Variants in ADCY1 observed in about 807,000 individuals in gnomAD.
ADCY1 encodes the protein adenylate cyclase type 1.
In ADCY1, 28 loss-of-function variants were observed where a neutral mutation model predicts 105.4. The ratio of observed to expected loss-of-function variants is 0.27; its 90% CI spans 0.20 to 0.36. The LOEUF (loss-of-function observed/expected upper bound fraction) is 0.36. Among genes scored for constraint, ADCY1 ranks in the 10% least tolerant of loss-of-function variants. The pLI, the probability that ADCY1 is intolerant of heterozygous loss-of-function variation, is 1.00. For missense variants in ADCY1, 977 were observed against 1,434.2 expected (o/e 0.68, Z 5.15); for synonymous variants, 655 against 623.8 (o/e 1.05, Z -0.75).
intron 5 of ADCY1, among the ~76,000 whole-genome samples, chr7:45,653,786 C>T (rs1466541707): frequency 6.6e-6 from 1 of 152,172 alleles, no homozygotes; most frequent in African/African-American, 2.4e-5. Flanking sequence ...TGCTGCTCTC[C>T]CAGAGTTGCC....
chr7:45,704,723 G>A, intron 17 of ADCY1, 107 bp downstream of exon 17: 1 of 860,862 alleles, frequency 1.2e-6, no homozygotes, highest in Non-Finnish European at 1.9e-6. Context: ...TGCCCTCTGT[G>A]TTGGATTACA....
intron 4 of ADCY1, among the ~76,000 whole-genome samples, chr7:45,641,850 C>T (rs1209685155): frequency 1.5e-5 from 2 of 130,874 alleles, no homozygotes; most frequent in Non-Finnish European, 3.2e-5. Flanking sequence ...GGCGTGAACC[C>T]GGGAAGCGGA....
chr7:45,664,008 A>T (rs1157954193), intron 8 of ADCY1, among the ~76,000 whole-genome samples: 2 of 152,042 alleles, frequency 1.3e-5, no homozygotes, highest in Admixed American at 1.3e-4. Flanking sequence ...GAAAATTTCT[A>T]AGAGGAAACA....
At chr7:45,667,756 C>A (rs1251772369) in intron 8 of ADCY1, among the ~76,000 whole-genome samples, 1 of 152,222 alleles carries the variant, frequency 6.6e-6, no homozygotes, top group Non-Finnish European at 1.5e-5. Context: ...TTCTTCCTAT[C>A]CGTGAGCATG....
chr7:45,685,197 G>T, intron 12 of ADCY1, 129 bp downstream of exon 12: 1 of 789,502 alleles, frequency 1.3e-6, no homozygotes, highest in Non-Finnish European at 2.2e-6. Context: ...CAGGCATGGG[G>T]CCCCAAGGAG....
chr7:45,652,871 C>G (rs1195013676), intron 5 of ADCY1, among the ~76,000 whole-genome samples: 1 of 152,162 alleles, frequency 6.6e-6, no homozygotes, highest in East Asian at 1.9e-4. Flanking sequence ...CTCTGGGAGC[C>G]ACAGCATCCA....
In ADCY1 at chr7:45,703,476, C is replaced by T; in HGVS notation, c.2555C>T (p.Ser852Phe). The change falls in exon 15 of 20, where the codon TCC (serine) becomes TTC (phenylalanine). Residue 852 changes from serine to phenylalanine, a missense_variant. Transcript: ENST00000297323. The surrounding 1 kb of genome is among the most constrained non-coding windows in gnomAD (Gnocchi z 5.9). The stretch of plus-strand genomic sequence containing the variant: ...CACGTCGCCCAGCACTTCCTCATGT[C>T]CAACCCTCGGAACATGGTGAGCACC... ...PAHVAQHFLM[S>F]NPRNMDLYYQ... The T allele has an allele frequency of 6.2e-7, 1 of 1,614,130 alleles. No homozygotes were observed. Among genetic ancestry groups the T allele is most frequent in the Non-Finnish European group, 8.5e-7 (1 of 1,180,014 alleles).
rs900098429 is a variant in ADCY1, at chr7:45,583,946, T to G, written c.639+8764T>G. ...TGAGCCACTGTGCCCTGTTTTTTTT[T>G]TTTTTTTTTTTTTTTTTTTCAGACA... On this transcript the variant is annotated intron_variant, in intron 1 of 19. Coordinates refer to ENST00000297323, the MANE Select transcript of ADCY1 (RefSeq NM_021116.4). 1.8e-4 allele frequency among the ~76,000 whole-genome samples: 26 copies of G among 143,526 alleles called. 1 individual carries two copies. The highest frequency in any genetic ancestry group is 3.0e-5 in the Non-Finnish European group (2 of 65,808). 94.2% of individuals were successfully genotyped at this position (143,526 alleles called of 152,430 possible). A position where few individuals can be genotyped will look rare whatever the true frequency, so the allele number is the denominator to read the frequency against.
intron 3 of ADCY1, among the ~76,000 whole-genome samples, chr7:45,618,211 CA>C (rs1267889839): frequency 6.6e-6 from 1 of 152,116 alleles, no homozygotes; most frequent in African/African-American, 2.4e-5. Flanking sequence ...TATCTCTTAC[CA>C]TACACAAAAA....
At chr7:45,614,908 T>C (rs1482142276) in intron 3 of ADCY1, among the ~76,000 whole-genome samples, 1 of 152,086 alleles carries the variant, frequency 6.6e-6, no homozygotes, top group Non-Finnish European at 1.5e-5. Flanking sequence ...TAAAAAGAAA[T>C]AGACCACAAA....
intron 4 of ADCY1, among the ~76,000 whole-genome samples, chr7:45,623,438 T>C (rs1320246849): frequency 6.6e-6 from 1 of 152,176 alleles, no homozygotes; most frequent in African/African-American, 2.4e-5. Context: ...GCCACAAGGC[T>C]CCTGAGGGGC....
At chr7:45,671,906 G>T (rs958161561) in intron 8 of ADCY1, among the ~76,000 whole-genome samples, 1 of 152,008 alleles carries the variant, frequency 6.6e-6, no homozygotes, top group African/African-American at 2.4e-5. Context: ...TCTCAACAGG[G>T]TCTTCTGTTC....
intron 11 of ADCY1, among the ~76,000 whole-genome samples, chr7:45,683,720 C>T (rs756885773): frequency 2.0e-5 from 3 of 152,156 alleles, no homozygotes; most frequent in Non-Finnish European, 4.4e-5. Flanking sequence ...GGTCAGGTAA[C>T]GCCCAGTTCA....
chr7:45,705,262 G>A (rs542325236), intron 17 of ADCY1, among the ~76,000 whole-genome samples: 2 of 152,102 alleles, frequency 1.3e-5, no homozygotes, highest in Non-Finnish European at 2.9e-5. Context: ...AGACAAAGAC[G>A]TAATAGAAAA....
chr7:45,699,018 G>A (rs1484547877), intron 14 of ADCY1, among the ~76,000 whole-genome samples: 1 of 152,212 alleles, frequency 6.6e-6, no homozygotes, highest in East Asian at 1.9e-4. Context: ...ACAGCCAGCT[G>A]AGTACCAACT....
chr7:45,613,940 G>A (rs1334751827), intron 3 of ADCY1, among the ~76,000 whole-genome samples: 1 of 152,052 alleles, frequency 6.6e-6, no homozygotes, highest in Admixed American at 6.6e-5. Flanking sequence ...AAACATGAAG[G>A]AATAAAGACC....
rs185191050 is a variant in ADCY1, at chr7:45,702,842, C to T, written c.2455-534C>T. On this transcript the variant is annotated intron_variant, in intron 14 of 19. Transcript: ENST00000297323. ...TCGGCACTCAGATGAGCTCATTGGC[C>T]CTGGATCTGCCCCTGCCCTAGGTCC... Among the ~76,000 whole-genome samples, 4 of 152,334 alleles carry T rather than the reference C, an allele frequency of 2.6e-5. 1 individual carries two copies. The highest frequency in any genetic ancestry group is 9.6e-5 in the African/African-American group (4 of 41,574).
At chr7:45,597,701 C>T (rs765932312) in intron 2 of ADCY1, among the ~76,000 whole-genome samples, 1 of 152,228 alleles carries the variant, frequency 6.6e-6, no homozygotes, top group Non-Finnish European at 1.5e-5. Flanking sequence ...AGGGGTGAGG[C>T]TTCTGCCAAC....
intron 1 of ADCY1, among the ~76,000 whole-genome samples, chr7:45,589,330 C>G (rs933171870): frequency 1.3e-5 from 2 of 152,084 alleles, no homozygotes; most frequent in Non-Finnish European, 2.9e-5. Context: ...ATGGCCCGGG[C>G]CGGGCCGGGG....
Sources: allele counts gnomAD v4.1 joint callset (sites outside exome capture counted in the v4.1 genomes callset), GRCh38; gene constraint gnomAD v4.1.1; non-coding constraint Gnocchi (gnomAD v3.1); transcripts MANE v1.5; gene names NCBI Gene and HGNC (gene_info 2026-07-23, HGNC 2026-07-21).